Variants in SGCZ observed in about 807,000 individuals in gnomAD.
SGCZ encodes zeta-sarcoglycan.
A neutral mutation model predicts 41.3 loss-of-function variants in SGCZ; 40 were observed. That is an observed-to-expected ratio of 0.97 (90% CI 0.75 to 1.26). The LOEUF (loss-of-function observed/expected upper bound fraction) is 1.26, where lower values mean the gene tolerates loss of function less well. Among genes scored for constraint, SGCZ ranks in the 50% most tolerant of loss-of-function variants. SGCZ has a pLI of 0.00. For missense variants in SGCZ, 552 were observed against 369.8 expected, an observed-to-expected ratio of 1.49 and a Z score of -4.04; for synonymous variants, 206 against 137.5, an observed-to-expected ratio of 1.50 and a Z score of -3.49.
At chr8:14,396,198 T>C (rs28686962) in intron 2 of SGCZ, among the ~76,000 whole-genome samples, 10,707 of 152,230 alleles carry the variant, frequency 0.07, 647 homozygotes, top group African/African-American at 0.16. Flanking sequence ...TAAATAACTC[T>C]TATATCTGCT....
At chr8:14,768,981 T>C (rs1267441342) in intron 1 of SGCZ, among the ~76,000 whole-genome samples, 3 of 152,058 alleles carry the variant, frequency 2.0e-5, no homozygotes, top group Admixed American at 1.3e-4. Flanking sequence ...TATATCCATA[T>C]GTAGATACGG....
chr8:15,159,838 G>C (rs1268784410), intron 1 of SGCZ, among the ~76,000 whole-genome samples: 1 of 148,220 alleles, frequency 6.7e-6, no homozygotes, highest in African/African-American at 2.5e-5. Context: ...CTGAATTTGG[G>C]GTAACCCCTC....
At chr8:15,217,173 T>G (rs1801431188) in intron 1 of SGCZ, among the ~76,000 whole-genome samples, 1 of 152,010 alleles carries the variant, frequency 6.6e-6, no homozygotes, top group Non-Finnish European at 1.5e-5. Flanking sequence ...ATCCCAGCAC[T>G]TTGGGAGGCC....
intron 4 of SGCZ, among the ~76,000 whole-genome samples, chr8:14,177,019 A>G (rs921391490): frequency 5.3e-5 from 8 of 152,132 alleles, no homozygotes; most frequent in Admixed American, 2.6e-4. Flanking sequence ...TACATCACCA[A>G]GGTTTTGTGT....
chr8:14,268,343 A>G (rs996913103), intron 3 of SGCZ, among the ~76,000 whole-genome samples: 2 of 143,202 alleles, frequency 1.4e-5, no homozygotes, highest in Non-Finnish European at 1.6e-5. Context: ...ATTTATATTT[A>G]AAAATATATA....
chr8:14,614,651 G>T (rs979122316), intron 1 of SGCZ, among the ~76,000 whole-genome samples: 4 of 152,110 alleles, frequency 2.6e-5, no homozygotes, highest in Admixed American at 6.6e-5. Flanking sequence ...ACTACCAACA[G>T]TTCATAGTTG....
At chr8:14,240,327 CAAAAAAAAAAAA>C (rs59351247) in intron 3 of SGCZ, among the ~76,000 whole-genome samples, 6 of 115,236 alleles carry the variant, frequency 5.2e-5, no homozygotes, top group Admixed American at 9.6e-5. Context: ...AACTCTGTGT[CAAAAAAAAAAAA>C]AAAAAAAAAA....
chr8:14,129,598 C>T (rs770374918), intron 5 of SGCZ, among the ~76,000 whole-genome samples: 31 of 151,542 alleles, frequency 2.0e-4, no homozygotes, highest in Non-Finnish European at 2.9e-4. Flanking sequence ...TAAGAACATC[C>T]ATTATAAAAG....
intron 7 of SGCZ, among the ~76,000 whole-genome samples, chr8:14,102,094 AT>A (rs1563127089): frequency 0.02 from 2,053 of 104,122 alleles, 34 homozygotes; most frequent in Non-Finnish European, 0.026. Context: ...ATATATATAT[AT>A]ATATATATAA....
chr8:14,376,347 A>T lies in SGCZ; in HGVS notation c.235-52143T>A, dbSNP rs578141994. On this transcript the variant is annotated intron_variant, in intron 2 of 7. Transcript: ENST00000382080. ...ATAAAATAAAAAATAAAATAAAAAA[A>T]ATACAATGGAAAAATAACTATTGTA... 4.6e-5 allele frequency among the ~76,000 whole-genome samples: 7 copies of T among 152,186 alleles called. No homozygotes were observed. In the South Asian group the frequency reaches 1.5e-3, roughly 32 times the overall value.
intron 1 of SGCZ, among the ~76,000 whole-genome samples, chr8:14,824,424 C>G (rs1802220078): frequency 1.3e-5 from 2 of 152,000 alleles, no homozygotes; most frequent in South Asian, 4.1e-4. Context: ...TTCATGTCTA[C>G]TCCCCTAAAT....
intron 1 of SGCZ, among the ~76,000 whole-genome samples, chr8:15,133,451 C>T (rs911882529): frequency 1.2e-4 from 18 of 152,266 alleles, no homozygotes; most frequent in African/African-American, 3.4e-4. Context: ...TCTCAGCCTA[C>T]GTCTTTTCTG....
At chr8:15,008,078 C>T (rs1194689260) in intron 1 of SGCZ, among the ~76,000 whole-genome samples, 1 of 152,114 alleles carries the variant, frequency 6.6e-6, no homozygotes. Context: ...AAAAAAACTA[C>T]TGTAAAAGAT....
chr8:14,107,519 C>A (rs1383685452), intron 6 of SGCZ, among the ~76,000 whole-genome samples: 1 of 152,166 alleles, frequency 6.6e-6, no homozygotes, highest in Non-Finnish European at 1.5e-5. Context: ...CTATATAATA[C>A]TCCGTGGTCA....
intron 1 of SGCZ, among the ~76,000 whole-genome samples, chr8:14,656,002 C>T (rs1278743704): frequency 6.6e-6 from 1 of 152,054 alleles, no homozygotes; most frequent in Non-Finnish European, 1.5e-5. Context: ...AACTACTCAC[C>T]CCTTGAAGCA....
chr8:14,627,322 T>C (rs1288021658), intron 1 of SGCZ, among the ~76,000 whole-genome samples: 3 of 152,158 alleles, frequency 2.0e-5, no homozygotes, highest in Non-Finnish European at 4.4e-5. Flanking sequence ...ATATGAAATT[T>C]GCCTTCAATT....
chr8:14,737,712 T>C (rs567740824), intron 1 of SGCZ, among the ~76,000 whole-genome samples: 310 of 152,192 alleles, frequency 2.0e-3, no homozygotes, highest in Non-Finnish European at 2.5e-3. Flanking sequence ...AACTGTGTCT[T>C]ATTTTCTCTT....
chr8:14,573,686 T>C (rs539615477), intron 1 of SGCZ, among the ~76,000 whole-genome samples: 1 of 152,264 alleles, frequency 6.6e-6, no homozygotes, highest in East Asian at 1.9e-4. Flanking sequence ...AGCATCAGTG[T>C]AAAAAATTCT....
chr8:14,666,379 A>T (rs1807911128), intron 1 of SGCZ, among the ~76,000 whole-genome samples: 1 of 152,204 alleles, frequency 6.6e-6, no homozygotes, highest in Admixed American at 6.5e-5. Flanking sequence ...TCTGTCCTGC[A>T]AGTGAATTAA....
Sources: allele counts gnomAD v4.1 joint callset (sites outside exome capture counted in the v4.1 genomes callset), GRCh38; gene constraint gnomAD v4.1.1; transcripts MANE v1.5; gene names NCBI Gene and HGNC (gene_info 2026-07-23, HGNC 2026-07-21).